ARID1B: variants seen among roughly 807,000 people sequenced by gnomAD.
The protein encoded by ARID1B is AT-rich interactive domain-containing protein 1B.
ARID1B carries 30 observed loss-of-function variants against 212.3 expected under a neutral mutation model. The ratio of observed to expected loss-of-function variants is 0.14; its 90% CI spans 0.11 to 0.19. The LOEUF is 0.19. Among genes scored for constraint, ARID1B ranks in the 10% least tolerant of loss-of-function variants. ARID1B has a pLI of 1.00. For synonymous variants in ARID1B, 1,402 were observed against 1,301.7 expected (o/e 1.08, Z -1.66); for missense variants, 2,891 against 3,204.0 (o/e 0.90, Z 2.36).
chr6:157,202,525 A>G (rs1021815597), intron 18 of ARID1B, among the ~76,000 whole-genome samples: 1 of 151,998 alleles, frequency 6.6e-6, no homozygotes, highest in Admixed American at 6.6e-5. Context: ...CGTCTCTACT[A>G]AAAAGAAAAA....
intron 4 of ARID1B, among the ~76,000 whole-genome samples, chr6:156,968,543 C>T (rs1316638063): frequency 6.6e-6 from 1 of 152,202 alleles, no homozygotes; most frequent in East Asian, 1.9e-4. Context: ...GGCAGAACCC[C>T]ACCCAGCTCC....
chr6:156,951,870 A>G (rs1213797613), intron 4 of ARID1B, among the ~76,000 whole-genome samples: 1 of 152,258 alleles, frequency 6.6e-6, no homozygotes, highest in Non-Finnish European at 1.5e-5. Context: ...AGTTTTTAAT[A>G]TAGTGCTAAA....
chr6:156,862,307 G>A (rs766653501), intron 2 of ARID1B, among the ~76,000 whole-genome samples: 1 of 152,202 alleles, frequency 6.6e-6, no homozygotes. Flanking sequence ...TTGGCCTGGC[G>A]CGGGCCCTTG....
chr6:156,790,096 A>G (rs972188492), intron 1 of ARID1B, among the ~76,000 whole-genome samples: 5 of 152,220 alleles, frequency 3.3e-5, no homozygotes, highest in African/African-American at 1.2e-4. Flanking sequence ...ATATGTTTTT[A>G]CCTTGTCCAG....
At chr6:157,150,069 T>C (rs1790087394) in intron 8 of ARID1B, 1 of 152,268 alleles carries the variant, frequency 6.6e-6, no homozygotes, top group Non-Finnish European at 1.5e-5. Context: ...GGAATATTTT[T>C]GTAAACCTGT....
At chr6:157,039,743 CCCTT>C (rs71027322) in intron 4 of ARID1B, among the ~76,000 whole-genome samples, 4,631 of 91,920 alleles carry the variant, frequency 0.05, 158 homozygotes, top group Non-Finnish European at 0.069. Flanking sequence ...CTCCCTCCCT[CCCTT>C]CCTTCCTTCC....
At chr6:157,080,772 C>T (rs536481214) in intron 4 of ARID1B, among the ~76,000 whole-genome samples, 4 of 152,258 alleles carry the variant, frequency 2.6e-5, no homozygotes, top group African/African-American at 9.6e-5. Flanking sequence ...GGCAGAGAGA[C>T]AGTGGAAGGA....
chr6:157,085,333 A>G (rs533738484), intron 5 of ARID1B, among the ~76,000 whole-genome samples: 15 of 152,270 alleles, frequency 9.9e-5, no homozygotes, highest in African/African-American at 2.6e-4. Context: ...TCTACAGTCT[A>G]TACTTATCAG....
chr6:157,106,412 C>T lies in ARID1B; in HGVS notation c.2492-4060C>T, dbSNP rs1398220878. ...CTAGGGAACAATCTACTTCCAGTTTCATTCGGATTGTGGCAGCTTCATCTC... is the reference window on the plus strand; with the variant it reads ...CTAGGGAACAATCTACTTCCAGTTTTATTCGGATTGTGGCAGCTTCATCTC... On this transcript the variant is annotated intron_variant, in intron 5 of 19. Transcript: ENST00000636930. Among the ~76,000 whole-genome samples the T allele has an allele frequency of 2.0e-5, 3 of 152,318 alleles. 1 individual carries two copies. In the East Asian group the frequency reaches 5.8e-4, roughly 29 times the overall value.
chr6:157,112,978 A>G lies in ARID1B; in HGVS notation c.2581+2417A>G, dbSNP rs138562503. Among the ~76,000 whole-genome samples, 992 of 151,182 alleles carry G rather than the reference A, an allele frequency of 6.6e-3. 9 individuals are homozygous for G. Among genetic ancestry groups the G allele is most frequent in the African/African-American group, 0.023 (961 of 41,064 alleles). On this transcript the variant is annotated intron_variant, in intron 6 of 19. Transcript: ENST00000636930. ...CTCTTGTTGCCCAGGCTGGAGTGCA[A>G]TGGCACGATCTCAGCTCACTGCAAC...
chr6:157,202,566 AG>A (rs1175649264), intron 18 of ARID1B, among the ~76,000 whole-genome samples: 1 of 152,022 alleles, frequency 6.6e-6, no homozygotes, highest in Non-Finnish European at 1.5e-5. Flanking sequence ...TCATTTCTGT[AG>A]TCCCAGCTAT....
intron 3 of ARID1B, among the ~76,000 whole-genome samples, chr6:156,924,575 C>T (rs1392233050): frequency 3.9e-5 from 6 of 152,156 alleles, no homozygotes; most frequent in Middle Eastern, 3.2e-3. Context: ...CACATCCAGG[C>T]GGGCAATTTA....
At chr6:156,806,414 C>A (rs991909753) in intron 1 of ARID1B, among the ~76,000 whole-genome samples, 25 of 152,162 alleles carry the variant, frequency 1.6e-4, no homozygotes, top group African/African-American at 6.0e-4. Flanking sequence ...CTCTACGTGT[C>A]CTTTCTTCTA....
intron 2 of ARID1B, among the ~76,000 whole-genome samples, chr6:156,843,097 C>G (rs1010503664): frequency 6.6e-5 from 10 of 152,132 alleles, no homozygotes; most frequent in African/African-American, 2.4e-4. Context: ...GCGGTAGCAC[C>G]CTTCCAACAC....
intron 2 of ARID1B, among the ~76,000 whole-genome samples, chr6:156,837,874 A>G (rs287916): frequency 0.16 from 23,987 of 152,150 alleles, 2,063 homozygotes; most frequent in Middle Eastern, 0.2. Context: ...GTTGGACTCA[A>G]GTTTAGAAAT....
At chr6:156,808,238 C>T (rs1375421458) in intron 1 of ARID1B, among the ~76,000 whole-genome samples, 1 of 152,188 alleles carries the variant, frequency 6.6e-6, no homozygotes, top group African/African-American at 2.4e-5. Flanking sequence ...TATTTGCATT[C>T]TGTCTTGTTA....
intron 5 of ARID1B, among the ~76,000 whole-genome samples, chr6:157,101,814 G>A (rs965752069): frequency 5.9e-5 from 9 of 152,120 alleles, no homozygotes; most frequent in Non-Finnish European, 7.4e-5. Flanking sequence ...TGGATCTGAG[G>A]CATTAAAACC....
chr6:157,153,053 C>T (rs555660518), intron 8 of ARID1B, among the ~76,000 whole-genome samples: 1 of 152,272 alleles, frequency 6.6e-6, no homozygotes, highest in East Asian at 1.9e-4. Flanking sequence ...AATTATGCTT[C>T]AGATTTTCTC....
rs185214018 is a variant in ARID1B at position 156,973,171 on chromosome 6, G to A, written c.2247+37595G>A. 2.0e-5 allele frequency among the ~76,000 whole-genome samples: 3 copies of A among 152,226 alleles called. No individual in the cohort carries two copies. In the East Asian group the frequency reaches 5.8e-4, roughly 29 times the overall value. On this transcript the variant is annotated intron_variant, in intron 4 of 19. Coordinates refer to ENST00000636930, the MANE Select transcript of ARID1B (RefSeq NM_001374828.1). ...ACTCAAAAACTGGCTAGTAATTAAGGGACTGAATTGTACATTTATTTTATT... is the reference window on the plus strand; with the variant it reads ...ACTCAAAAACTGGCTAGTAATTAAGAGACTGAATTGTACATTTATTTTATT...
Sources: allele counts gnomAD v4.1 joint callset (sites outside exome capture counted in the v4.1 genomes callset), GRCh38; gene constraint gnomAD v4.1.1; transcripts MANE v1.5; gene names NCBI Gene and HGNC (gene_info 2026-07-23, HGNC 2026-07-21).